Variants in FLT1 observed in about 807,000 individuals in gnomAD.
FLT1 encodes vascular endothelial growth factor receptor 1.
In FLT1, 49 loss-of-function variants were observed where a neutral mutation model predicts 156.3. That is an observed-to-expected ratio of 0.31 (90% CI 0.25 to 0.40). The LOEUF is 0.40. Among genes scored for constraint, FLT1 ranks in the 10% least tolerant of loss-of-function variants. FLT1 has a pLI of 1.00. For synonymous variants in FLT1, 594 were observed against 583.8 expected, an observed-to-expected ratio of 1.02 and a Z score of -0.25; for missense variants, 1,322 against 1,637.2, an observed-to-expected ratio of 0.81 and a Z score of 3.32.
chr13:28,445,023 A>G (rs188683097), intron 3 of FLT1, among the ~76,000 whole-genome samples: 1 of 152,338 alleles, frequency 6.6e-6, no homozygotes. Flanking sequence ...AATAATAAAG[A>G]TTATAGTAGA....
intron 10 of FLT1, among the ~76,000 whole-genome samples, chr13:28,420,611 T>C (rs1233304752): frequency 2.6e-5 from 4 of 152,214 alleles, no homozygotes; most frequent in African/African-American, 9.6e-5. Context: ...AAATGTTGAC[T>C]TTTTCAATTT....
At chr13:28,341,256 G>A (rs1002290794) in intron 16 of FLT1, among the ~76,000 whole-genome samples, 1 of 152,170 alleles carries the variant, frequency 6.6e-6, no homozygotes, top group African/African-American at 2.4e-5. Context: ...GGGCTTTGAG[G>A]AGACTGTGAT....
In FLT1 at chr13:28,385,030, A is replaced by G. The variant is rs1364667304; in HGVS notation, c.1971T>C (p.Asp657=). Residue 657 remains aspartate, a splice_region_variant and synonymous_variant, in exon 14 of 30, where the codon GAT becomes GAC. Coordinates refer to ENST00000282397, the MANE Select transcript of FLT1 (RefSeq NM_002019.4). ...ILQKKEITIR[D]QEAPYLLRNL... is the part of the protein sequence containing the mutation. ...TTCGCAGGAGGTATGGTGCTTCCTG[A>G]TCTAGTGAAGAAAGAAAGGGAGCTG... 3.1e-6 allele frequency: 5 copies of G among 1,614,058 alleles called. No individual in the cohort carries two copies. In the South Asian group the frequency reaches 5.5e-5, roughly 18 times the overall value.
intron 20 of FLT1, among the ~76,000 whole-genome samples, chr13:28,323,651 C>A (rs80279482): frequency 1.2e-3 from 145 of 125,312 alleles, no homozygotes; most frequent in East Asian, 1.4e-3. Flanking sequence ...AACTCCATCT[C>A]AAAAAAAAAA....
chr13:28,485,813 G>C (rs2137664670), intron 1 of FLT1, among the ~76,000 whole-genome samples: 1 of 152,312 alleles, frequency 6.6e-6, no homozygotes, highest in South Asian at 2.1e-4. Flanking sequence ...CCAGGGAAAG[G>C]AAGCCCCGGC....
intron 12 of FLT1, among the ~76,000 whole-genome samples, chr13:28,395,858 CTG>C (rs1875013012): frequency 1.3e-5 from 2 of 152,200 alleles, no homozygotes; most frequent in Non-Finnish European, 1.5e-5. Flanking sequence ...GCTGATTAAA[CTG>C]TTACAAAGTT....
chr13:28,444,349 G>A (rs938998454), intron 3 of FLT1, among the ~76,000 whole-genome samples: 16 of 152,138 alleles, frequency 1.1e-4, no homozygotes, highest in African/African-American at 3.1e-4. Context: ...GCTGAGGCAG[G>A]AGACTGGCTT....
chr13:28,460,411 T>A (rs1349848262), intron 3 of FLT1, among the ~76,000 whole-genome samples: 1 of 142,426 alleles, frequency 7.0e-6, no homozygotes, highest in Non-Finnish European at 1.6e-5. Flanking sequence ...TTGCTTTTTA[T>A]GTCTCTCACA....
intron 1 of FLT1, among the ~76,000 whole-genome samples, chr13:28,480,508 G>A (rs1050429295): frequency 6.6e-6 from 1 of 152,188 alleles, no homozygotes; most frequent in South Asian, 2.1e-4. Context: ...AGCCCAGGGA[G>A]TGAGAGTCTT....
intron 1 of FLT1, among the ~76,000 whole-genome samples, chr13:28,488,709 A>G (rs1245664309): frequency 2.0e-5 from 3 of 152,294 alleles, no homozygotes; most frequent in Non-Finnish European, 4.4e-5. Context: ...TCTCGCACCT[A>G]GCAGGGTAGT....
At chr13:28,340,860 G>A (rs755220008) in intron 16 of FLT1, among the ~76,000 whole-genome samples, 8 of 140,258 alleles carry the variant, frequency 5.7e-5, no homozygotes, top group South Asian at 2.5e-4. Context: ...TATGGAGCAC[G>A]TTTGTCACAA....
rs1871384896 is a variant in FLT1 at position 28,320,170 on chromosome 13, G to A, written c.3175-636C>T. Reference sequence around the variant, plus strand: ...GATTGATGGGAGGTATGGGATAAAGGAGAGACAAGGAGAAAGGAAGTGGGA... The same window carrying A: ...GATTGATGGGAGGTATGGGATAAAGAAGAGACAAGGAGAAAGGAAGTGGGA... On this transcript the variant is annotated intron_variant, in intron 23 of 29. Transcript: ENST00000282397. 3.9e-5 allele frequency among the ~76,000 whole-genome samples: 6 copies of A among 152,254 alleles called. No individual in the cohort carries two copies. In the South Asian group the frequency reaches 1.2e-3, roughly 32 times the overall value.
intron 12 of FLT1, among the ~76,000 whole-genome samples, chr13:28,393,910 G>C (rs1208935523): frequency 1.3e-5 from 2 of 152,082 alleles, no homozygotes; most frequent in East Asian, 3.9e-4. Flanking sequence ...TTTTAAAGAA[G>C]GGGCAACAGG....
At chr13:28,443,542 G>GT (rs1016186477) in intron 3 of FLT1, among the ~76,000 whole-genome samples, 10 of 152,148 alleles carry the variant, frequency 6.6e-5, no homozygotes, top group African/African-American at 2.4e-4. Context: ...TTTTTACAAA[G>GT]TTTTTCCTGG....
Position 28,379,342 on chromosome 13 carries a change from C to A in FLT1, c.2116+5543G>T, listed in dbSNP as rs574052961. 4.6e-5 allele frequency among the ~76,000 whole-genome samples: 7 copies of A among 151,940 alleles called. No homozygotes were observed. In the South Asian group the frequency reaches 8.3e-4, roughly 18 times the overall value. On this transcript the variant is annotated intron_variant, in intron 14 of 29. Coordinates refer to ENST00000282397, the MANE Select transcript of FLT1 (RefSeq NM_002019.4). ...GCGCAAGACTCCATCTCAAAAAAAA[C>A]AAAACAAAACAAAAAAGCATTAGTG...
intron 3 of FLT1, among the ~76,000 whole-genome samples, chr13:28,456,580 G>A (rs1175350027): frequency 6.6e-6 from 1 of 152,008 alleles, no homozygotes; most frequent in African/African-American, 2.4e-5. Context: ...GGTGGATCAC[G>A]AGGTCAGGAG....
chr13:28,388,853 C>T (rs992559000), intron 13 of FLT1: 2 of 1,062,458 alleles, frequency 1.9e-6, no homozygotes, highest in South Asian at 4.6e-5. Context: ...AAAATAATAA[C>T]CAGAGGACAG....
intron 16 of FLT1, among the ~76,000 whole-genome samples, chr13:28,341,094 G>GC (rs1427130272): frequency 6.6e-6 from 1 of 152,156 alleles, no homozygotes; most frequent in African/African-American, 2.4e-5. Flanking sequence ...GACATCTTGG[G>GC]CTCATGCAGG....
At chr13:28,366,204 C>T (rs565542019) in intron 14 of FLT1, among the ~76,000 whole-genome samples, 1 of 152,200 alleles carries the variant, frequency 6.6e-6, no homozygotes, top group South Asian at 2.1e-4. Context: ...AACATGGATG[C>T]AAGATATATT....
Sources: allele counts gnomAD v4.1 joint callset (sites outside exome capture counted in the v4.1 genomes callset), GRCh38; gene constraint gnomAD v4.1.1; transcripts MANE v1.5; gene names NCBI Gene and HGNC (gene_info 2026-07-23, HGNC 2026-07-21).